Variants in SUSD1 observed in about 807,000 individuals in gnomAD.
SUSD1 encodes sushi domain containing 1, also known as sushi domain-containing protein 1.
SUSD1 carries 65 observed loss-of-function variants against 86.9 expected under a neutral mutation model. The ratio of observed to expected loss-of-function variants is 0.75; its 90% CI spans 0.61 to 0.92. The LOEUF (loss-of-function observed/expected upper bound fraction) is 0.92. SUSD1 is among the 40% of genes least tolerant of loss of function. The pLI is 0.00. For missense variants in SUSD1, 850 were observed against 929.7 expected (o/e 0.91, Z 1.11); for synonymous variants, 346 against 350.0 (o/e 0.99, Z 0.13).
intron 3 of SUSD1, among the ~76,000 whole-genome samples, chr9:112,147,193 GCA>G: frequency 6.6e-6 from 1 of 152,086 alleles, no homozygotes; most frequent in East Asian, 1.9e-4. Context: ...CCTTCCACTA[GCA>G]CAGTCTTGTC....
intron 1 of SUSD1, among the ~76,000 whole-genome samples, chr9:112,161,212 T>C (rs1226245915): frequency 6.6e-6 from 1 of 151,570 alleles, no homozygotes; most frequent in East Asian, 2.0e-4. Flanking sequence ...ACCCTGTCTC[T>C]ACCAAAAATA....
At chr9:112,114,358 C>T (rs1831224272) in intron 6 of SUSD1, among the ~76,000 whole-genome samples, 1 of 152,088 alleles carries the variant, frequency 6.6e-6, no homozygotes, top group South Asian at 2.1e-4. Flanking sequence ...TGGTGCATGC[C>T]TGTAGTCCCA....
intron 12 of SUSD1, among the ~76,000 whole-genome samples, chr9:112,064,441 C>T (rs964458725): frequency 7.9e-5 from 12 of 152,188 alleles, no homozygotes; most frequent in African/African-American, 2.4e-4. Flanking sequence ...ATCCCCCTAC[C>T]CACCCCAGTC....
At chr9:112,085,022 T>A (rs1233426165) in intron 10 of SUSD1, among the ~76,000 whole-genome samples, 2 of 152,248 alleles carry the variant, frequency 1.3e-5, no homozygotes, top group Non-Finnish European at 2.9e-5. Flanking sequence ...ATTATTGATC[T>A]TTGTCTATCA....
rs1828561150 is a variant in SUSD1 at position 112,058,618 on chromosome 9, G to A, written c.1919C>T (p.Ser640Phe). 6.2e-7 allele frequency: 1 copy of A among 1,614,050 alleles called. No individual in the cohort carries two copies. The highest frequency in any genetic ancestry group is 1.7e-5 in the Admixed American group (1 of 60,006). ...ATCAGAGGCGTTGCTAAAGAAGGAG[G>A]AAGCGCCTTCAGAATCACAAGAAAA... The part of the protein sequence containing the change: ...STFSCDSEGA[S>F]SFFSNASDAD... Residue 640 changes from serine to phenylalanine, a missense_variant, in exon 14 of 17, where the codon TCC (serine) becomes TTC (phenylalanine). Coordinates refer to ENST00000374270, the MANE Select transcript of SUSD1 (RefSeq NM_022486.5).
In SUSD1 at chr9:112,111,752, A is replaced by G; in HGVS notation, c.1073T>C (p.Val358Ala). ...GGTGCCTGGGTACAGGGCTAGGCAC[A>G]CTTCTGGGGTCCTGCTGTCTGTGGT... ...NLTTDSRTPE[V>A]CLALYPGTNY... Residue 358 changes from valine to alanine, a missense_variant, in exon 8 of 17, where the codon GTG (valine) becomes GCG (alanine). Val to Ala is a moderately conservative substitution (Grantham distance 64, BLOSUM62 0). Transcript: ENST00000374270. 1.2e-6 allele frequency: 2 copies of G among 1,614,144 alleles called. No individual in the cohort carries two copies. Among genetic ancestry groups the G allele is most frequent in the South Asian group, 2.2e-5 (2 of 91,082 alleles).
At chr9:112,078,483 T>G in intron 12 of SUSD1, 55 bp downstream of exon 12, 1 of 1,523,020 alleles carries the variant, frequency 6.6e-7, no homozygotes, top group Non-Finnish European at 9.0e-7. Context: ...TATCAGGACC[T>G]ATGAACAATT....
intron 6 of SUSD1, among the ~76,000 whole-genome samples, chr9:112,122,243 G>A (rs1229183370): frequency 6.6e-6 from 1 of 152,022 alleles, no homozygotes; most frequent in Non-Finnish European, 1.5e-5. Context: ...CTTGGCTTAC[G>A]ACTGTCTCCT....
intron 5 of SUSD1, among the ~76,000 whole-genome samples, chr9:112,129,387 A>G (rs911351695): frequency 2.0e-5 from 3 of 152,200 alleles, no homozygotes; most frequent in Non-Finnish European, 4.4e-5. Flanking sequence ...ATCACAGCTC[A>G]CTGCAGCTTC....
chr9:112,170,569 G>T (rs1008568135), intron 1 of SUSD1, among the ~76,000 whole-genome samples: 1 of 151,836 alleles, frequency 6.6e-6, no homozygotes, highest in African/African-American at 2.4e-5. Context: ...TTACACTCAG[G>T]TCATCTGACT....
chr9:112,102,322 C>T (rs773496487), intron 8 of SUSD1, 37 bp from the exon 9 acceptor site: 43 of 1,199,710 alleles, frequency 3.6e-5, no homozygotes, highest in South Asian at 4.5e-5. Flanking sequence ...ACAGCTTGCA[C>T]CATCTTAGCA....
Position 112,041,191 on chromosome 9 carries a change from A to T in SUSD1, c.*301T>A. 2 of 527,994 alleles carry T rather than the reference A, an allele frequency of 3.8e-6. No homozygotes were observed. Among genetic ancestry groups the T allele is most frequent in the Non-Finnish European group, 3.4e-6 (1 of 295,590 alleles). 32.7% of individuals were successfully genotyped at this position (527,994 alleles called of 1,614,324 possible). On this transcript the variant is annotated 3_prime_UTR_variant, in exon 17 of 17. Coordinates refer to ENST00000374270, the MANE Select transcript of SUSD1 (RefSeq NM_022486.5). Reference sequence around the variant, plus strand: ...AGAGGAAGTCCCAGCCAAGATTCACAGATCTGTATGTAGCCTTCGGTCAAT... The same window carrying T: ...AGAGGAAGTCCCAGCCAAGATTCACTGATCTGTATGTAGCCTTCGGTCAAT...
chr9:112,102,753 T>G (rs1474222867), intron 8 of SUSD1, among the ~76,000 whole-genome samples: 5 of 152,166 alleles, frequency 3.3e-5, no homozygotes, highest in Admixed American at 6.5e-5. Context: ...GCAAGTGCTT[T>G]CCAACCTAGA....
intron 12 of SUSD1, among the ~76,000 whole-genome samples, chr9:112,074,686 A>T (rs1346296983): frequency 6.6e-6 from 1 of 152,156 alleles, no homozygotes; most frequent in African/African-American, 2.4e-5. Context: ...TCAAAAGTTC[A>T]TGATTTTACC....
intron 12 of SUSD1, among the ~76,000 whole-genome samples, chr9:112,074,343 C>A (rs927161855): frequency 6.6e-6 from 1 of 152,198 alleles, no homozygotes; most frequent in Non-Finnish European, 1.5e-5. Flanking sequence ...TGCCGTGGGG[C>A]TATCCTGAAG....
At chr9:112,091,785 A>G (rs1424590647) in intron 10 of SUSD1, among the ~76,000 whole-genome samples, 1 of 152,216 alleles carries the variant, frequency 6.6e-6, no homozygotes, top group Non-Finnish European at 1.5e-5. Context: ...GAGGGCAACA[A>G]GATATAATAT....
intron 13 of SUSD1, among the ~76,000 whole-genome samples, chr9:112,061,845 G>T (rs889739670): frequency 1.3e-5 from 2 of 151,700 alleles, no homozygotes; most frequent in African/African-American, 4.8e-5. Flanking sequence ...TTACCGAAGG[G>T]TCAGCAGAGA....
chr9:112,110,356 A>AAATAAATG (rs1191188443), intron 8 of SUSD1, among the ~76,000 whole-genome samples: 1 of 152,024 alleles, frequency 6.6e-6, no homozygotes, highest in Non-Finnish European at 1.5e-5. Flanking sequence ...CTCAAAAAAT[A>AAATAAATG]AATAAATGAC....
At chr9:112,153,834 G>T (rs376497465) in intron 2 of SUSD1, among the ~76,000 whole-genome samples, 6 of 151,982 alleles carry the variant, frequency 3.9e-5, no homozygotes, top group East Asian at 3.9e-4. Context: ...GGCTGGTCTT[G>T]AACTCCTGGC....
Sources: gnomAD v4.1 joint callset for allele counts (sites outside exome capture counted in the v4.1 genomes callset) on GRCh38, gnomAD v4.1.1 for gene constraint, MANE v1.5 for transcripts, NCBI Gene and HGNC (gene_info 2026-07-23, HGNC 2026-07-21) for gene names.